Variants in DLG2 observed in about 807,000 individuals in gnomAD.
DLG2 encodes disks large homolog 2.
DLG2 carries 45 observed loss-of-function variants against 132.5 expected under a neutral mutation model. That is an observed-to-expected ratio of 0.34 (90% CI 0.27 to 0.44). The LOEUF (loss-of-function observed/expected upper bound fraction) is 0.44, where lower values mean the gene tolerates loss of function less well. Among genes scored for constraint, DLG2 ranks in the 20% least tolerant of loss-of-function variants. The pLI is 1.00. For synonymous variants in DLG2, 424 were observed against 419.6 expected (o/e 1.01, Z -0.13); for missense variants, 1,045 against 1,196.9 (o/e 0.87, Z 1.87).
chr11:84,668,501 T>C (rs904534151), intron 6 of DLG2, among the ~76,000 whole-genome samples: 2 of 152,298 alleles, frequency 1.3e-5, no homozygotes, highest in East Asian at 1.9e-4. Flanking sequence ...ATGCCCTTTC[T>C]GATAAAACTA....
chr11:83,631,328 C>T (rs2063528251), intron 19 of DLG2: 2 of 151,862 alleles, frequency 1.3e-5, no homozygotes, highest in South Asian at 4.2e-4. Flanking sequence ...ATGCTAAAGT[C>T]AGCCCTCTAG....
At position 84,831,463 on chromosome 11, in the gene DLG2, G is replaced by T. The variant is rs987263649; in HGVS notation, c.357+280198C>A. ...ATCTTTGTGAACTGGGTAAAGGAGA[G>T]TATAACAATTCCAAATCTCATTCAA... On this transcript the variant is annotated intron_variant, in intron 6 of 27. Coordinates refer to ENST00000376104, the MANE Select transcript of DLG2 (RefSeq NM_001142699.3). 9.9e-5 allele frequency among the ~76,000 whole-genome samples: 15 copies of T among 151,620 alleles called. No individual in the cohort carries two copies. The East Asian group carries it at 2.7e-3, about 28-fold the overall frequency.
At chr11:85,282,554 T>A (rs1349182204) in intron 4 of DLG2, among the ~76,000 whole-genome samples, 2 of 151,724 alleles carry the variant, frequency 1.3e-5, no homozygotes, top group South Asian at 4.1e-4. Context: ...ATTGCTAACA[T>A]CAGTTACCTT....
At chr11:85,035,566 G>A (rs2061370291) in intron 6 of DLG2, among the ~76,000 whole-genome samples, 1 of 152,118 alleles carries the variant, frequency 6.6e-6, no homozygotes. Context: ...CCACCCCCAT[G>A]ATCCAGTCAC....
chr11:84,047,643 C>A (rs1303451372), intron 11 of DLG2, among the ~76,000 whole-genome samples: 1 of 151,510 alleles, frequency 6.6e-6, no homozygotes, highest in Non-Finnish European at 1.5e-5. Context: ...TTATTTAAAT[C>A]TGAAATTTTC....
chr11:83,524,643 C>T (rs933723678), intron 21 of DLG2, among the ~76,000 whole-genome samples: 38 of 152,136 alleles, frequency 2.5e-4, no homozygotes, highest in African/African-American at 8.7e-4. Context: ...TTTCCACTGC[C>T]CTCAAGATGG....
chr11:85,032,132 A>G (rs533521806), intron 6 of DLG2, among the ~76,000 whole-genome samples: 8 of 151,870 alleles, frequency 5.3e-5, no homozygotes, highest in Admixed American at 3.3e-4. Flanking sequence ...ATAAAATGCA[A>G]TTTCTGTAAC....
intron 8 of DLG2, among the ~76,000 whole-genome samples, chr11:84,246,399 G>A (rs2097302599): frequency 6.6e-6 from 1 of 151,978 alleles, no homozygotes; most frequent in African/African-American, 2.4e-5. Context: ...TGACTATCCT[G>A]GTATAGTAGT....
chr11:83,920,393 T>G (rs1237081462), intron 15 of DLG2, among the ~76,000 whole-genome samples: 1 of 152,140 alleles, frequency 6.6e-6, no homozygotes, highest in African/African-American at 2.4e-5. Flanking sequence ...TAAAATAAAA[T>G]TCTACATTCT....
intron 18 of DLG2, among the ~76,000 whole-genome samples, chr11:83,724,417 C>G (rs564955613): frequency 6.7e-6 from 1 of 150,014 alleles, no homozygotes; most frequent in East Asian, 2.0e-4. Context: ...CAATTTAAGT[C>G]TAAAGCAAAT....
chr11:85,447,654 C>G (rs932891165), intron 3 of DLG2, among the ~76,000 whole-genome samples: 1 of 152,060 alleles, frequency 6.6e-6, no homozygotes, highest in Non-Finnish European at 1.5e-5. Context: ...TTTATTATGG[C>G]AGCTCTAGAA....
At position 85,452,686 on chromosome 11, in the gene DLG2, G is replaced by C. The variant is rs79336881; in HGVS notation, c.40+145971C>G. 4.1e-3 allele frequency: 672 copies of C among 163,396 alleles called. 5 individuals carry two copies. The highest frequency in any genetic ancestry group is 0.015 in the African/African-American group (642 of 42,036). The allele number at this position is 163,396 out of a possible 1,614,324, so 10.1% of individuals were successfully genotyped here. ...ATTGATAACAGGAGCTAAGGGCCTA[G>C]AGATTTGGTGGATAATGTTCAGCAT... On this transcript the variant is annotated intron_variant, in intron 3 of 27. Coordinates refer to ENST00000376104, the MANE Select transcript of DLG2 (RefSeq NM_001142699.3).
chr11:85,249,755 A>T (rs1342625447), intron 4 of DLG2, among the ~76,000 whole-genome samples: 2 of 152,052 alleles, frequency 1.3e-5, no homozygotes, highest in Non-Finnish European at 2.9e-5. Context: ...TCCAAAATCA[A>T]ATCTGGAGAT....
chr11:84,435,957 A>G (rs2098999390), intron 7 of DLG2, among the ~76,000 whole-genome samples: 1 of 152,106 alleles, frequency 6.6e-6, no homozygotes, highest in Admixed American at 6.5e-5. Flanking sequence ...TACAACTTAT[A>G]ATTTTTATAG....
At position 83,484,128 on chromosome 11, in the gene DLG2, C is replaced by T. The variant is rs1591618209; in HGVS notation, c.2293+1G>A. The stretch of plus-strand genomic sequence containing the variant: ...GACATTATCTTTCAGAATCTACTTA[C>T]GTTCAGGATCACTGGTTTCCTGCTC... On this transcript the variant is annotated splice_donor_variant, in intron 22 of 27. Coordinates refer to ENST00000376104, the MANE Select transcript of DLG2 (RefSeq NM_001142699.3). LOFTEE classifies it high-confidence loss of function. 6 of 1,610,822 alleles carry T rather than the reference C, an allele frequency of 3.7e-6. No homozygotes were observed. Among genetic ancestry groups the T allele is most frequent in the Non-Finnish European group, 5.1e-6 (6 of 1,177,396 alleles).
At chr11:84,592,182 C>T (rs149926646) in intron 6 of DLG2, among the ~76,000 whole-genome samples, 30 of 152,188 alleles carry the variant, frequency 2.0e-4, no homozygotes, top group Middle Eastern at 3.4e-3. Flanking sequence ...TAGAGCTCAC[C>T]GGTTGGTTGC....
chr11:84,876,689 C>T (rs768682375), intron 6 of DLG2, among the ~76,000 whole-genome samples: 4 of 152,102 alleles, frequency 2.6e-5, no homozygotes, highest in Non-Finnish European at 5.9e-5. Context: ...TCCTTCAGTT[C>T]TGCTCTGATC....
intron 6 of DLG2, among the ~76,000 whole-genome samples, chr11:85,092,962 G>C (rs2069041396): frequency 6.6e-6 from 1 of 151,988 alleles, no homozygotes; most frequent in African/African-American, 2.4e-5. Context: ...TTTGATATAG[G>C]CATGCAATGT....
chr11:84,185,876 T>A (rs115142026), intron 8 of DLG2, among the ~76,000 whole-genome samples: 64 of 152,314 alleles, frequency 4.2e-4, no homozygotes, highest in African/African-American at 1.4e-3. Flanking sequence ...AAATTCAGTC[T>A]TTTGTTTATT....
Sources: allele counts gnomAD v4.1 joint callset (sites outside exome capture counted in the v4.1 genomes callset), GRCh38; gene constraint gnomAD v4.1.1; transcripts MANE v1.5; gene names NCBI Gene and HGNC (gene_info 2026-07-23, HGNC 2026-07-21).